Variants in ACO1 observed in about 807,000 individuals in gnomAD.
The protein encoded by ACO1 is cytoplasmic aconitate hydratase.
In ACO1, 78 loss-of-function variants were observed where a neutral mutation model predicts 105.1. The observed-to-expected ratio is 0.74, with a 90% CI of 0.62 to 0.90. The LOEUF (loss-of-function observed/expected upper bound fraction) is 0.90. ACO1 is among the 40% of genes least tolerant of loss of function. The pLI is 0.00. For synonymous variants in ACO1, 364 were observed against 397.4 expected (o/e 0.92, Z 1.00); for missense variants, 965 against 1,111.1 (o/e 0.87, Z 1.87).
rs544460680 is a variant in ACO1, at chr9:32,451,588, G to A, written c.*1477G>A. On this transcript the variant is annotated 3_prime_UTR_variant, in exon 21 of 21. Coordinates refer to ENST00000309951, the MANE Select transcript of ACO1 (RefSeq NM_002197.3). The stretch of plus-strand genomic sequence containing the variant: ...TGTGATGTCCAAGGACAGGAGGGCA[G>A]GATCTTTGTAATGAATTTTTAATGT... 2.0e-5 allele frequency: 3 copies of A among 152,240 alleles called. No individual in the cohort carries two copies. The highest frequency in any genetic ancestry group is 4.1e-4 in the South Asian group (2 of 4,822). 9.4% of individuals were successfully genotyped at this position (152,240 alleles called of 1,614,324 possible).
intron 19 of ACO1, among the ~76,000 whole-genome samples, chr9:32,443,284 G>A (rs748900813): frequency 5.9e-5 from 9 of 151,718 alleles, no homozygotes; most frequent in South Asian, 2.1e-4. Context: ...TAAAAAAAAC[G>A]CTTCATTGTG....
In ACO1 at chr9:32,434,844, T is replaced by C. The variant is rs115262458; in HGVS notation, c.2099+143T>C. ...GGCTTAACCCTGGGGTAAAAACCAATTGCATTTTCTGTTTGCTGCTTAACA... is the reference window on the plus strand; with the variant it reads ...GGCTTAACCCTGGGGTAAAAACCAACTGCATTTTCTGTTTGCTGCTTAACA... On this transcript the variant is annotated intron_variant, in intron 17 of 20. Transcript: ENST00000309951. 1,140 of 928,124 alleles carry C rather than the reference T, an allele frequency of 1.2e-3. 5 individuals carry two copies. In the African/African-American group the frequency reaches 0.018, roughly 14 times the overall value. The allele number at this position is 928,124 out of a possible 1,614,324, so 57.5% of individuals were successfully genotyped here. A position where few individuals can be genotyped will look rare whatever the true frequency, so the allele number is the denominator to read the frequency against.
chr9:32,392,831 A>C (rs1821293792), intron 1 of ACO1, among the ~76,000 whole-genome samples: 1 of 152,222 alleles, frequency 6.6e-6, no homozygotes. Flanking sequence ...AGTTCCCCAA[A>C]TTAATACTTT....
At chr9:32,420,160 G>T (rs191183453) in intron 7 of ACO1, among the ~76,000 whole-genome samples, 3 of 152,242 alleles carry the variant, frequency 2.0e-5, no homozygotes, top group Admixed American at 2.0e-4. Context: ...TTTATGCAGA[G>T]CTAAGTCAGT....
At chr9:32,396,014 G>A (rs376359596) in intron 1 of ACO1, among the ~76,000 whole-genome samples, 5 of 152,220 alleles carry the variant, frequency 3.3e-5, no homozygotes, top group Admixed American at 2.0e-4. Flanking sequence ...TTGCTATAGC[G>A]TGGCCCTGGT....
intron 7 of ACO1, among the ~76,000 whole-genome samples, chr9:32,420,428 C>T (rs1340312791): frequency 1.3e-5 from 2 of 152,158 alleles, no homozygotes; most frequent in African/African-American, 2.4e-5. Flanking sequence ...ATTTTGGGCA[C>T]ACTTTGTCTT....
intron 19 of ACO1, among the ~76,000 whole-genome samples, chr9:32,442,763 T>C (rs1822511072): frequency 6.6e-6 from 1 of 152,214 alleles, no homozygotes; most frequent in Admixed American, 6.5e-5. Flanking sequence ...AGATACAATG[T>C]AACTTTGCTA....
chr9:32,392,443 CAT>C (rs1261108080), intron 1 of ACO1, among the ~76,000 whole-genome samples: 1 of 152,218 alleles, frequency 6.6e-6, no homozygotes, highest in African/African-American at 2.4e-5. Flanking sequence ...GCACTCAGCA[CAT>C]GTCTCCAGGC....
chr9:32,403,545 C>T (rs941417495), intron 1 of ACO1, among the ~76,000 whole-genome samples: 2 of 152,174 alleles, frequency 1.3e-5, no homozygotes, highest in African/African-American at 4.8e-5. Flanking sequence ...TAGCAGGAAT[C>T]ATGTGAGGCT....
chr9:32,402,765 C>T (rs1821525085), intron 1 of ACO1, among the ~76,000 whole-genome samples: 1 of 152,204 alleles, frequency 6.6e-6, no homozygotes, highest in Non-Finnish European at 1.5e-5. Context: ...TTGGCTTTGT[C>T]TTGGAGTTAC....
chr9:32,413,755 C>T (rs1406030374), intron 4 of ACO1, among the ~76,000 whole-genome samples: 1 of 152,096 alleles, frequency 6.6e-6, no homozygotes, highest in Non-Finnish European at 1.5e-5. Flanking sequence ...TTGAATAATA[C>T]TAATTAGCTT....
chr9:32,396,299 T>G (rs1468931256), intron 1 of ACO1, among the ~76,000 whole-genome samples: 1 of 152,164 alleles, frequency 6.6e-6, no homozygotes. Flanking sequence ...TTTATCAAAG[T>G]CCCTACTGTG....
chr9:32,394,737 T>C (rs1374268154), intron 1 of ACO1, among the ~76,000 whole-genome samples: 3 of 152,212 alleles, frequency 2.0e-5, no homozygotes, highest in Non-Finnish European at 4.4e-5. Flanking sequence ...AGGAATGTGC[T>C]GATCAGAAAT....
chr9:32,428,843 C>CAA lies in ACO1; in HGVS notation c.1485-565_1485-564dup, dbSNP rs112618859. 1.7e-4 allele frequency among the ~76,000 whole-genome samples: 24 copies of CAA among 142,278 alleles called. No homozygotes were observed. In the South Asian group the frequency reaches 2.8e-3, roughly 17 times the overall value. 93.3% of individuals were successfully genotyped at this position (142,278 alleles called of 152,430 possible). ...TGGGCAACAGAGCGAGACTCCGTCT[C>CAA]AAAAAAAAAAAAGTCAGCGTGAGTT... On this transcript the variant is annotated intron_variant, in intron 12 of 20. Coordinates refer to ENST00000309951, the MANE Select transcript of ACO1 (RefSeq NM_002197.3).
chr9:32,442,699 ATAG>A (rs1343385492), intron 19 of ACO1, among the ~76,000 whole-genome samples: 2 of 152,300 alleles, frequency 1.3e-5, no homozygotes, highest in East Asian at 3.9e-4. Flanking sequence ...TACACCTAAA[ATAG>A]TAGAAAAAAA....
chr9:32,395,577 G>C (rs1821356650), intron 1 of ACO1, among the ~76,000 whole-genome samples: 1 of 152,198 alleles, frequency 6.6e-6, no homozygotes, highest in Non-Finnish European at 1.5e-5. Flanking sequence ...ATAGGGAGCT[G>C]CAGGGTAGGG....
chr9:32,440,556 G>A lies in ACO1; in HGVS notation c.2339G>A (p.Arg780Gln), dbSNP rs747470214. Residue 780 changes from arginine to glutamine, a missense_variant, in exon 19 of 21, where the codon CGA becomes CAA. By Grantham distance (43) the Arg-to-Gln change is conservative (BLOSUM62 1). Coordinates refer to ENST00000309951, the MANE Select transcript of ACO1 (RefSeq NM_002197.3). The part of the protein sequence containing the change: ...AGKEYGAGSS[R>Q]DWAAKGPFLL... ...AAAGAGTACGGTGCAGGCAGCTCCCGAGACTGGGCAGCTAAGGGCCCTTTC... is the reference window on the plus strand; with the variant it reads ...AAAGAGTACGGTGCAGGCAGCTCCCAAGACTGGGCAGCTAAGGGCCCTTTC... 6.8e-6 allele frequency: 11 copies of A among 1,613,842 alleles called. No homozygotes were observed. Among genetic ancestry groups the A allele is most frequent in the East Asian group, 2.2e-5 (1 of 44,884 alleles).
In ACO1 at chr9:32,425,885, T is replaced by G. The variant is rs1199471599; in HGVS notation, c.1236T>G (p.His412Gln). 1 of 1,613,914 alleles carries G rather than the reference T, an allele frequency of 6.2e-7. No homozygotes were observed. Among genetic ancestry groups the G allele is most frequent in the African/African-American group, 1.3e-5 (1 of 74,928 alleles). Residue 412 changes from histidine (H) to glutamine (Q), a missense_variant, in exon 11 of 21, where the codon CAT becomes CAG. Coordinates refer to ENST00000309951, the MANE Select transcript of ACO1 (RefSeq NM_002197.3). Reference sequence around the variant, plus strand: ...TTGCTCCTGAACATCATAATGACCATAAGACCTTTATCTATGATAACACTG... The same window carrying G: ...TTGCTCCTGAACATCATAATGACCAGAAGACCTTTATCTATGATAACACTG... ...FQVAPEHHND[H>Q]KTFIYDNTEF...
At chr9:32,414,667 G>A (rs1821811434) in intron 4 of ACO1, among the ~76,000 whole-genome samples, 2 of 152,126 alleles carry the variant, frequency 1.3e-5, no homozygotes, top group Admixed American at 1.3e-4. Context: ...CATCCTCCTG[G>A]TGCTGGAGGG....
Sources: allele counts gnomAD v4.1 joint callset (sites outside exome capture counted in the v4.1 genomes callset), GRCh38; gene constraint gnomAD v4.1.1; transcripts MANE v1.5; gene names NCBI Gene and HGNC (gene_info 2026-07-23, HGNC 2026-07-21).